The following VPS13B variants were observed in gnomAD, a reference collection of about 807,000 sequenced individuals.
VPS13B encodes the protein vacuolar protein sorting 13 homolog B, also known as intermembrane lipid transfer protein VPS13B.
VPS13B carries 285 observed loss-of-function variants against 426.4 expected under a neutral mutation model. The observed-to-expected ratio is 0.67, with a 90% CI of 0.61 to 0.74. VPS13B has a LOEUF of 0.74. Among genes scored for constraint, VPS13B ranks in the 30% least tolerant of loss-of-function variants. VPS13B has a pLI of 0.00. For synonymous variants in VPS13B, 1,676 were observed against 1,676.4 expected (o/e 1.00, Z 0.01); for missense variants, 4,537 against 4,782.6 (o/e 0.95, Z 1.51).
chr8:99,229,469 C>A (rs1424568329), intron 17 of VPS13B, among the ~76,000 whole-genome samples: 1 of 151,804 alleles, frequency 6.6e-6, no homozygotes, highest in Non-Finnish European at 1.5e-5. Context: ...ACTAATTATT[C>A]ATGGATTGAT....
intron 17 of VPS13B, among the ~76,000 whole-genome samples, chr8:99,228,497 G>A (rs1431331116): frequency 6.6e-6 from 1 of 152,116 alleles, no homozygotes; most frequent in Non-Finnish European, 1.5e-5. Context: ...TCTCAAAAAT[G>A]AAAATAATTT....
At chr8:99,854,724 C>T (rs750853199) in intron 56 of VPS13B, among the ~76,000 whole-genome samples, 3 of 152,184 alleles carry the variant, frequency 2.0e-5, no homozygotes, top group Non-Finnish European at 4.4e-5. Context: ...GTCCAGTTCT[C>T]GTTTATTTTC....
intron 36 of VPS13B, among the ~76,000 whole-genome samples, chr8:99,701,935 G>C (rs1267743800): frequency 6.6e-6 from 1 of 151,988 alleles, no homozygotes; most frequent in Non-Finnish European, 1.5e-5. Flanking sequence ...TTGGAAAATT[G>C]TGATTAAGAG....
chr8:99,108,281 T>C (rs1847159672), intron 5 of VPS13B, among the ~76,000 whole-genome samples: 1 of 152,198 alleles, frequency 6.6e-6, no homozygotes, highest in Non-Finnish European at 1.5e-5. Flanking sequence ...ATGTCTTTGC[T>C]ATTGTGTATA....
intron 4 of VPS13B, among the ~76,000 whole-genome samples, chr8:99,096,924 T>A (rs904112733): frequency 1.1e-4 from 17 of 152,232 alleles, no homozygotes; most frequent in African/African-American, 3.6e-4. Context: ...CCAAGGTACT[T>A]TTATCTTGAG....
chr8:99,132,700 A>G (rs547134683), intron 8 of VPS13B, among the ~76,000 whole-genome samples: 4 of 152,246 alleles, frequency 2.6e-5, no homozygotes, highest in Non-Finnish European at 5.9e-5. Flanking sequence ...GGGCTGCAGA[A>G]TGGATGTCAT....
chr8:99,041,626 G>C (rs904951650), intron 3 of VPS13B, among the ~76,000 whole-genome samples: 2 of 152,162 alleles, frequency 1.3e-5, no homozygotes, highest in Non-Finnish European at 2.9e-5. Flanking sequence ...GGCCGAGGCG[G>C]GTGGATCACG....
chr8:99,625,834 A>AG (rs1828588346), intron 33 of VPS13B, among the ~76,000 whole-genome samples: 2 of 152,216 alleles, frequency 1.3e-5, no homozygotes, highest in African/African-American at 2.4e-5. Context: ...CAATAAAATA[A>AG]GTTCCTTAAA....
chr8:99,547,200 A>G (rs1373980429), intron 30 of VPS13B, among the ~76,000 whole-genome samples: 1 of 152,046 alleles, frequency 6.6e-6, no homozygotes, highest in Admixed American at 6.6e-5. Context: ...ATGTCTAAAG[A>G]TGGGAGCTGA....
intron 41 of VPS13B, among the ~76,000 whole-genome samples, chr8:99,777,387 C>T (rs538598211): frequency 2.0e-5 from 3 of 152,206 alleles, no homozygotes; most frequent in East Asian, 1.9e-4. Flanking sequence ...GAGCAGGTCA[C>T]GTCTTACATG....
chr8:99,760,047 G>C (rs1453032514), intron 39 of VPS13B, among the ~76,000 whole-genome samples: 1 of 151,864 alleles, frequency 6.6e-6, no homozygotes, highest in Non-Finnish European at 1.5e-5. Flanking sequence ...CATGATCTCG[G>C]CTCACTTCAA....
chr8:99,147,974 G>A lies in VPS13B; in HGVS notation c.1977G>A (p.Leu659=). ...TCTISMAEFN[L]LDHLLPVIMG... The stretch of plus-strand genomic sequence containing the variant: ...CAATTTCCATGGCTGAATTCAACTT[G>A]CTGGACCATTTACTACCTGTCATTA... The change falls in exon 14 of 62, where the codon TTG becomes TTA. Residue 659 remains leucine, a synonymous_variant. Transcript: ENST00000357162. 4 of 1,612,946 alleles carry A rather than the reference G, an allele frequency of 2.5e-6. No individual in the cohort carries two copies. In the East Asian group the frequency reaches 8.9e-5, roughly 36 times the overall value.
chr8:99,750,690 G>T (rs946807867), intron 39 of VPS13B, among the ~76,000 whole-genome samples: 1 of 151,930 alleles, frequency 6.6e-6, no homozygotes, highest in Admixed American at 6.6e-5. Flanking sequence ...CAGTTAGAGG[G>T]GCACATAAGT....
At chr8:99,281,458 A>G (rs1324286126) in intron 19 of VPS13B, among the ~76,000 whole-genome samples, 1 of 152,216 alleles carries the variant, frequency 6.6e-6, no homozygotes, top group African/African-American at 2.4e-5. Context: ...ATCATGTCTC[A>G]TTCTGGAGCA....
intron 3 of VPS13B, among the ~76,000 whole-genome samples, chr8:99,051,211 G>T (rs948647564): frequency 3.3e-5 from 5 of 152,156 alleles, no homozygotes; most frequent in African/African-American, 1.2e-4. Flanking sequence ...TTTGTATAAG[G>T]TGTAAGGAAG....
chr8:99,294,992 T>C (rs1310396836), intron 19 of VPS13B, among the ~76,000 whole-genome samples: 2 of 152,178 alleles, frequency 1.3e-5, no homozygotes, highest in South Asian at 4.1e-4. Flanking sequence ...GTTGATGTGT[T>C]AAAAATATTT....
chr8:99,780,370 T>C (rs1016134612), intron 42 of VPS13B, among the ~76,000 whole-genome samples: 4 of 152,172 alleles, frequency 2.6e-5, no homozygotes, highest in African/African-American at 7.2e-5. Flanking sequence ...AGGGGACTCA[T>C]GTGTAGCAAC....
At chr8:99,045,375 C>A (rs1418689004) in intron 3 of VPS13B, among the ~76,000 whole-genome samples, 1 of 144,428 alleles carries the variant, frequency 6.9e-6, no homozygotes, top group Non-Finnish European at 1.5e-5. Context: ...CTGTTCATGT[C>A]CTTAGCCCAC....
Position 99,801,970 on chromosome 8 carries a change from C to T in VPS13B, c.7942-7405C>T, listed in dbSNP as rs571225594. Among the ~76,000 whole-genome samples, 20 of 152,036 alleles carry T rather than the reference C, an allele frequency of 1.3e-4. No homozygotes were observed. In the East Asian group the frequency reaches 2.9e-3, roughly 22 times the overall value. On this transcript the variant is annotated intron_variant, in intron 43 of 61. Transcript: ENST00000357162. ...TTCAAGAGCAGCCTGGGCAACACGG[C>T]AAAACACTATCTCTACAAAAGATAC...
Sources: allele counts gnomAD v4.1 joint callset (sites outside exome capture counted in the v4.1 genomes callset), GRCh38; gene constraint gnomAD v4.1.1; transcripts MANE v1.5; gene names NCBI Gene and HGNC (gene_info 2026-07-23, HGNC 2026-07-21).